Variants in GSE1 observed in about 807,000 individuals in gnomAD.
GSE1 encodes Gse1 coiled-coil protein.
A neutral mutation model predicts 112.6 loss-of-function variants in GSE1; 32 were observed. The observed-to-expected ratio is 0.28, with a 90% CI of 0.21 to 0.38. The LOEUF is 0.38. Ranked by LOEUF, GSE1 falls within the 10% of genes least tolerant of loss-of-function variation. The probability of loss-of-function intolerance (pLI) is 1.00; values close to 1 mark genes in which losing one functional copy is unlikely to be tolerated. For synonymous variants in GSE1, 1,115 were observed against 735.6 expected, an observed-to-expected ratio of 1.52 and a Z score of -8.35; for missense variants, 2,348 against 1,699.2, an observed-to-expected ratio of 1.38 and a Z score of -6.71.
At chr16:85,661,052 CTG>C in intron 8 of GSE1, 92 bp from the exon 9 acceptor site, 1 of 1,231,100 alleles carries the variant, frequency 8.1e-7, no homozygotes, top group Non-Finnish European at 1.1e-6. Context: ...GCTGCGCCAT[CTG>C]TGTCATCTTA....
At chr16:85,359,389 A>T in intron 2 of GSE1, 1 of 456,070 alleles carries the variant, frequency 2.2e-6, no homozygotes, top group Non-Finnish European at 4.4e-6. Context: ...CCGGAGCAGA[A>T]CAAGGCCCAG....
Position 85,657,493 on chromosome 16 carries a change from A to C in GSE1, c.1529A>C (p.Asp510Ala). Residue 510 changes from aspartate (D) to alanine (A), a missense_variant, in exon 8 of 16, where the codon GAC becomes GCC. Physicochemically the swap from Asp to Ala is moderately radical, Grantham distance 126 (BLOSUM62 -2). Coordinates refer to ENST00000253458, the MANE Select transcript of GSE1 (RefSeq NM_014615.5). ...RQRRLRQEKE[D>A]RQSQVSEFRQ... ...CGGCGGCTGCGGCAGGAGAAGGAGG[A>C]CCGGCAGTCTCAGGTGTCCGAGTTC... The C allele has an allele frequency of 1.2e-6, 2 of 1,607,038 alleles. No homozygotes were observed. Among genetic ancestry groups the C allele is most frequent in the Non-Finnish European group, 1.7e-6 (2 of 1,177,388 alleles).
At chr16:85,300,549 G>A (rs2045494199) in intron 1 of GSE1, among the ~76,000 whole-genome samples, 1 of 152,204 alleles carries the variant, frequency 6.6e-6, no homozygotes, top group Non-Finnish European at 1.5e-5. Flanking sequence ...ACACACTGCG[G>A]CCTTTGGTGT....
At chr16:85,274,482 C>G (rs1002062689) in intron 1 of GSE1, among the ~76,000 whole-genome samples, 12 of 152,192 alleles carry the variant, frequency 7.9e-5, no homozygotes, top group Non-Finnish European at 1.3e-4. Context: ...TGGTGGCTCT[C>G]CTAAAACCTG....
upstream of GSE1, among the ~76,000 whole-genome samples, chr16:85,553,550 G>A (rs1283423700): frequency 1.3e-5 from 2 of 152,042 alleles, no homozygotes; most frequent in Non-Finnish European, 2.9e-5. Flanking sequence ...GCCAGGCGGG[G>A]CGCAGCAGCG....
In GSE1 at chr16:85,504,487, G is replaced by T. The variant is rs1000703728; in HGVS notation, c.2465-129427G>T. Among the ~76,000 whole-genome samples the T allele has an allele frequency of 2.3e-4, 35 of 152,202 alleles. 1 individual carries two copies. The highest frequency in any genetic ancestry group is 2.9e-5 in the Non-Finnish European group (2 of 68,034). ...CTTCTGACTCACCAGCCACCTGATGGCTATTTTAAGGTGTTTCCAGGTAGC... is the reference window on the plus strand; with the variant it reads ...CTTCTGACTCACCAGCCACCTGATGTCTATTTTAAGGTGTTTCCAGGTAGC... On this transcript the variant is annotated intron_variant, in intron 2 of 2. Transcript: ENST00000637419.
chr16:85,584,184 T>A (rs1419477173), intron 1 of GSE1, among the ~76,000 whole-genome samples: 2 of 151,634 alleles, frequency 1.3e-5, no homozygotes, highest in Non-Finnish European at 2.9e-5. Flanking sequence ...TTTGGAGACC[T>A]TCCTCCCCCT....
chr16:85,553,236 C>CGGGGTGGGGGCAGGG (rs2045017244), upstream of GSE1, among the ~76,000 whole-genome samples: 1 of 117,302 alleles, frequency 8.5e-6, no homozygotes, highest in South Asian at 2.9e-4. Flanking sequence ...GCGGGGCGCG[C>CGGGGTGGGGGCAGGG]GGGGTGGGGG....
intron 14 of GSE1, among the ~76,000 whole-genome samples, chr16:85,669,043 C>G (rs1420550697): frequency 6.6e-6 from 1 of 152,262 alleles, no homozygotes; most frequent in Admixed American, 6.5e-5. Context: ...GGACTCAGGC[C>G]ACATCTCCCC....
intron 1 of GSE1, among the ~76,000 whole-genome samples, chr16:85,605,450 C>T (rs1267937486): frequency 2.6e-5 from 4 of 152,056 alleles, no homozygotes; most frequent in Non-Finnish European, 5.9e-5. Context: ...CCACTTCCTC[C>T]GCACAGCAAA....
intron 2 of GSE1, among the ~76,000 whole-genome samples, chr16:85,500,637 T>G (rs1282153207): frequency 6.6e-6 from 1 of 152,212 alleles, no homozygotes; most frequent in East Asian, 1.9e-4. Context: ...GCCGCTCTGC[T>G]CTGCCCCTCT....
chr16:85,548,736 A>G (rs192852503), intron 2 of GSE1, among the ~76,000 whole-genome samples: 1 of 152,308 alleles, frequency 6.6e-6, no homozygotes, highest in African/African-American at 2.4e-5. Context: ...CTTGTTATAA[A>G]GACCCTTGCC....
intron 1 of GSE1, among the ~76,000 whole-genome samples, chr16:85,563,286 C>T (rs899908558): frequency 2.7e-5 from 4 of 150,708 alleles, no homozygotes; most frequent in East Asian, 3.9e-4. Context: ...TTGGTTTGCT[C>T]GTAAAATTAC....
chr16:85,173,234 G>A (rs1038986841), intron 1 of GSE1, among the ~76,000 whole-genome samples: 1 of 152,234 alleles, frequency 6.6e-6, no homozygotes, highest in Non-Finnish European at 1.5e-5. Context: ...TCATTTTATA[G>A]ATGAGTCAAC....
chr16:85,554,130 A>G (rs1183108159), upstream of GSE1, among the ~76,000 whole-genome samples: 1 of 151,824 alleles, frequency 6.6e-6, no homozygotes, highest in African/African-American at 2.4e-5. Context: ...TTGTCACATC[A>G]AGAGGCAGCT....
At chr16:85,638,869 C>T (rs1248562454) in intron 2 of GSE1, among the ~76,000 whole-genome samples, 2 of 152,126 alleles carry the variant, frequency 1.3e-5, no homozygotes, top group Admixed American at 6.5e-5. Flanking sequence ...TGGCTTCCCC[C>T]CGTCAATGGC....
intron 1 of GSE1, among the ~76,000 whole-genome samples, chr16:85,243,018 G>T (rs894410181): frequency 1.3e-5 from 2 of 152,062 alleles, no homozygotes; most frequent in Non-Finnish European, 2.9e-5. Flanking sequence ...TCGCTGTGTT[G>T]CCCAGGCTGG....
chr16:85,443,539 T>G (rs1038630905), intron 2 of GSE1, among the ~76,000 whole-genome samples: 1 of 152,276 alleles, frequency 6.6e-6, no homozygotes, highest in Non-Finnish European at 1.5e-5. Flanking sequence ...TTAACTGTTA[T>G]TATTCTGGGT....
chr16:85,249,789 T>A (rs986365063), intron 1 of GSE1, among the ~76,000 whole-genome samples: 8 of 152,216 alleles, frequency 5.3e-5, no homozygotes, highest in African/African-American at 1.9e-4. Context: ...CGTGCCCAAG[T>A]GGCACAGGGT....
Sources: gnomAD v4.1 joint callset for allele counts (sites outside exome capture counted in the v4.1 genomes callset) on GRCh38, gnomAD v4.1.1 for gene constraint, MANE v1.5 for transcripts, NCBI Gene and HGNC (gene_info 2026-07-23, HGNC 2026-07-21) for gene names.